The following GALNT17 variants were observed in gnomAD, a reference collection of about 807,000 sequenced individuals.
The protein encoded by GALNT17 is polypeptide N-acetylgalactosaminyltransferase 17, also known as UDP-GalNAc:polypeptide N-acetylgalactosaminyltransferase-like 3.
GALNT17 carries 29 observed loss-of-function variants against 63.7 expected under a neutral mutation model. That is an observed-to-expected ratio of 0.46 (90% CI 0.34 to 0.62). GALNT17 has a LOEUF of 0.62. Among genes scored for constraint, GALNT17 ranks in the 20% least tolerant of loss-of-function variants. The pLI is 0.01. For synonymous variants in GALNT17, 305 were observed against 318.3 expected, an observed-to-expected ratio of 0.96 and a Z score of 0.45; for missense variants, 603 against 799.6, an observed-to-expected ratio of 0.75 and a Z score of 2.97.
chr7:71,420,509 G>A (rs1786642456), intron 4 of GALNT17, among the ~76,000 whole-genome samples: 1 of 152,202 alleles, frequency 6.6e-6, no homozygotes, highest in Non-Finnish European at 1.5e-5. Flanking sequence ...GTGGCAGTCA[G>A]TGCCCTGGGG....
rs543501796 is a variant in GALNT17 at position 71,473,763 on chromosome 7, C to A, written c.962+52658C>A. Among the ~76,000 whole-genome samples, 6 of 152,200 alleles carry A rather than the reference C, an allele frequency of 3.9e-5. 1 individual carries two copies. The South Asian group carries it at 1.0e-3, about 26-fold the overall frequency. On this transcript the variant is annotated intron_variant, in intron 5 of 10. Transcript: ENST00000333538. ...TTGCCTTACACTTTGGACAAGTCTC[C>A]TAACCTGTCAGGGACTCAATTTTAT...
intron 5 of GALNT17, among the ~76,000 whole-genome samples, chr7:71,471,336 C>A (rs1250512045): frequency 6.6e-6 from 1 of 150,574 alleles, no homozygotes; most frequent in Non-Finnish European, 1.5e-5. Flanking sequence ...CTTCAGCCTC[C>A]CAAAGTGCTG....
At chr7:71,416,154 AC>A in intron 4 of GALNT17, 91 bp downstream of exon 4, 1 of 1,421,918 alleles carries the variant, frequency 7.0e-7, no homozygotes, top group Non-Finnish European at 9.5e-7. Flanking sequence ...TTCACCTGTT[AC>A]CTGTAGTGGC....
intron 1 of GALNT17, among the ~76,000 whole-genome samples, chr7:71,160,331 G>T (rs1030812206): frequency 6.6e-6 from 1 of 152,244 alleles, no homozygotes; most frequent in South Asian, 2.1e-4. Context: ...AACAATTTTA[G>T]TTGTTGTATA....
intron 5 of GALNT17, among the ~76,000 whole-genome samples, chr7:71,485,299 G>T (rs1787892290): frequency 6.6e-6 from 1 of 151,978 alleles, no homozygotes; most frequent in Non-Finnish European, 1.5e-5. Context: ...GTTTTGCTGT[G>T]TTGCCCAGGC....
At chr7:71,263,896 C>T (rs566976346) in intron 1 of GALNT17, among the ~76,000 whole-genome samples, 61 of 152,232 alleles carry the variant, frequency 4.0e-4, no homozygotes, top group South Asian at 2.9e-3. Context: ...TGCACTCCAG[C>T]CTGGGCGATA....
chr7:71,246,741 A>T (rs1438226623), intron 1 of GALNT17, among the ~76,000 whole-genome samples: 1 of 151,786 alleles, frequency 6.6e-6, no homozygotes, highest in Non-Finnish European at 1.5e-5. Context: ...AGGCAGGAGA[A>T]TGGGGTGAAC....
chr7:71,229,237 G>A (rs1789741372), intron 1 of GALNT17, among the ~76,000 whole-genome samples: 2 of 152,212 alleles, frequency 1.3e-5, no homozygotes, highest in African/African-American at 4.8e-5. Context: ...TGGTGCTGCT[G>A]CTGCCTCTGC....
chr7:71,363,625 T>C (rs1792447412), intron 2 of GALNT17, among the ~76,000 whole-genome samples: 1 of 152,204 alleles, frequency 6.6e-6, no homozygotes, highest in African/African-American at 2.4e-5. Flanking sequence ...AGTATTCCCT[T>C]CCAGCAGTTA....
intron 5 of GALNT17, among the ~76,000 whole-genome samples, chr7:71,509,861 A>G (rs576254531): frequency 6.6e-6 from 1 of 152,326 alleles, no homozygotes; most frequent in East Asian, 1.9e-4. Context: ...CCAAGAGAGA[A>G]GAGGACACTG....
At chr7:71,533,660 A>G (rs930866377) in intron 5 of GALNT17, among the ~76,000 whole-genome samples, 4 of 152,280 alleles carry the variant, frequency 2.6e-5, no homozygotes, top group Admixed American at 1.3e-4. Context: ...TTCGCTTTGC[A>G]TGCTTGTTTT....
intron 5 of GALNT17, among the ~76,000 whole-genome samples, chr7:71,424,355 A>G (rs1023394465): frequency 2.0e-5 from 3 of 152,250 alleles, no homozygotes; most frequent in African/African-American, 4.8e-5. Flanking sequence ...GCCAGGACAG[A>G]TAACAGTATG....
intron 2 of GALNT17, among the ~76,000 whole-genome samples, chr7:71,362,899 T>C (rs754808919): frequency 1.2e-4 from 19 of 152,078 alleles, no homozygotes; most frequent in Non-Finnish European, 2.5e-4. Flanking sequence ...AACACTCCTT[T>C]CCCCAACTCT....
intron 1 of GALNT17, among the ~76,000 whole-genome samples, chr7:71,259,631 G>GTTTTTTTTT (rs1164044325): frequency 7.7e-6 from 1 of 129,856 alleles, no homozygotes; most frequent in African/African-American, 2.8e-5. Context: ...GTCCTGTTTT[G>GTTTTTTTTT]TTTTTTGTTT....
At chr7:71,373,826 T>C (rs1792672145) in intron 2 of GALNT17, among the ~76,000 whole-genome samples, 1 of 152,166 alleles carries the variant, frequency 6.6e-6, no homozygotes, top group African/African-American at 2.4e-5. Flanking sequence ...CCAAAAATGT[T>C]GGGGGCCGTT....
intron 3 of GALNT17, among the ~76,000 whole-genome samples, chr7:71,413,560 GAC>G (rs1485345973): frequency 1.3e-5 from 2 of 151,110 alleles, no homozygotes; most frequent in Non-Finnish European, 2.9e-5. Context: ...TTTTAGAAGA[GAC>G]AGGGTTTCTC....
At chr7:71,143,238 A>G (rs1037682519) in intron 1 of GALNT17, among the ~76,000 whole-genome samples, 6 of 151,866 alleles carry the variant, frequency 4.0e-5, no homozygotes, top group Non-Finnish European at 1.5e-5. Flanking sequence ...CCTGGCCAAC[A>G]CAGCGAAACC....
intron 5 of GALNT17, among the ~76,000 whole-genome samples, chr7:71,450,016 T>C (rs1042093659): frequency 7.1e-6 from 1 of 141,808 alleles, no homozygotes; most frequent in Non-Finnish European, 1.5e-5. Context: ...CACTCCAGCC[T>C]GGGCAACAAA....
intron 1 of GALNT17, among the ~76,000 whole-genome samples, chr7:71,213,497 G>A (rs1158669981): frequency 6.6e-6 from 1 of 152,132 alleles, no homozygotes; most frequent in Non-Finnish European, 1.5e-5. Flanking sequence ...TTTTCGGTGT[G>A]CCTTTGACAT....
Sources: allele counts gnomAD v4.1 joint callset (sites outside exome capture counted in the v4.1 genomes callset), GRCh38; gene constraint gnomAD v4.1.1; transcripts MANE v1.5; gene names NCBI Gene and HGNC (gene_info 2026-07-23, HGNC 2026-07-21).